DPP10: variants seen among roughly 807,000 people sequenced by gnomAD.
DPP10 encodes inactive dipeptidyl peptidase 10.
DPP10 carries 33 observed loss-of-function variants against 120.9 expected under a neutral mutation model. The observed-to-expected ratio is 0.27, with a 90% confidence interval of 0.21 to 0.37. DPP10 has a LOEUF of 0.37. Ranked by LOEUF, DPP10 falls within the 10% of genes least tolerant of loss-of-function variation. DPP10 has a pLI of 1.00. For missense variants in DPP10, 816 were observed against 942.8 expected (o/e 0.87, Z 1.76); for synonymous variants, 337 against 326.1 (o/e 1.03, Z -0.36).
At chr2:115,070,226 T>C (rs559151086) in intron 1 of DPP10, among the ~76,000 whole-genome samples, 43 of 152,164 alleles carry the variant, frequency 2.8e-4, no homozygotes, top group Non-Finnish European at 5.4e-4. Context: ...GCTTGTCAGC[T>C]ATGCAAATGC....
At chr2:115,681,070 G>T (rs569039051) in intron 5 of DPP10, among the ~76,000 whole-genome samples, 6 of 151,750 alleles carry the variant, frequency 4.0e-5, no homozygotes, top group Non-Finnish European at 8.9e-5. Context: ...TGATTTTATT[G>T]TGACTTTGAA....
chr2:115,817,120 C>A (rs1300459746), intron 21 of DPP10, among the ~76,000 whole-genome samples: 1 of 151,560 alleles, frequency 6.6e-6, no homozygotes, highest in African/African-American at 2.4e-5. Context: ...TGGTGGCGGG[C>A]GCCTGTAGTC....
chr2:115,709,914 T>G (rs2092262263), intron 7 of DPP10, among the ~76,000 whole-genome samples: 1 of 151,964 alleles, frequency 6.6e-6, no homozygotes, highest in East Asian at 1.9e-4. Context: ...AAACACAAAT[T>G]TACATATTCA....
At chr2:115,617,752 A>G (rs1367996836) in intron 5 of DPP10, among the ~76,000 whole-genome samples, 2 of 152,046 alleles carry the variant, frequency 1.3e-5, no homozygotes, top group Admixed American at 6.5e-5. Flanking sequence ...TCACCTGAAA[A>G]CTAACTTCTC....
At chr2:114,965,154 T>TTTC (rs1558931686) in intron 1 of DPP10, among the ~76,000 whole-genome samples, 42 of 151,900 alleles carry the variant, frequency 2.8e-4, no homozygotes, top group Admixed American at 5.9e-4. Context: ...TTTCTTTTTT[T>TTTC]TGGACGGATT....
At chr2:115,714,276 G>A (rs537855850) in intron 7 of DPP10, among the ~76,000 whole-genome samples, 1 of 152,288 alleles carries the variant, frequency 6.6e-6, no homozygotes, top group Non-Finnish European at 1.5e-5. Context: ...GTAATGTTGA[G>A]ATTGTTGCTA....
At chr2:114,517,775 G>T (rs1684720852) in intron 1 of DPP10, among the ~76,000 whole-genome samples, 1 of 152,204 alleles carries the variant, frequency 6.6e-6, no homozygotes, top group Admixed American at 6.5e-5. Context: ...TAACGGGAAA[G>T]CTGGTACTAT....
At chr2:115,339,743 A>G (rs929696626) in intron 2 of DPP10, among the ~76,000 whole-genome samples, 5 of 152,172 alleles carry the variant, frequency 3.3e-5, no homozygotes, top group African/African-American at 1.2e-4. Flanking sequence ...ATTATATAGC[A>G]TTCTTAAAAT....
rs554655011 is a variant in DPP10, at chr2:114,635,993, G to A, written c.60+193155G>A. Among the ~76,000 whole-genome samples the A allele has an allele frequency of 3.6e-4, 43 of 120,700 alleles. 1 individual carries two copies. The highest frequency in any genetic ancestry group is 1.6e-3 in the African/African-American group (42 of 25,692). The allele number at this position is 120,700 out of a possible 152,430, so 79.2% of individuals were successfully genotyped here. On this transcript the variant is annotated intron_variant, in intron 1 of 25. Transcript: ENST00000410059. The stretch of plus-strand genomic sequence containing the variant: ...TTCAATGTGTTGGTGAAAGACACAC[G>A]TTTCAGAATTTGACTTTTTGCTTAA...
chr2:115,315,837 CT>C (rs1444754230), intron 2 of DPP10, among the ~76,000 whole-genome samples: 1 of 152,064 alleles, frequency 6.6e-6, no homozygotes, highest in Non-Finnish European at 1.5e-5. Flanking sequence ...CAGTTTCCCC[CT>C]GGATAATATG....
chr2:115,527,836 G>A (rs2078223695), intron 5 of DPP10, among the ~76,000 whole-genome samples: 1 of 152,088 alleles, frequency 6.6e-6, no homozygotes, highest in African/African-American at 2.4e-5. Flanking sequence ...TATCAGAATG[G>A]TTAATTTTTT....
intron 1 of DPP10, among the ~76,000 whole-genome samples, chr2:115,132,520 T>G (rs1285161693): frequency 6.6e-6 from 1 of 152,212 alleles, no homozygotes; most frequent in Non-Finnish European, 1.5e-5. Context: ...ATTTCTGTCA[T>G]GTGATGTTAT....
chr2:115,817,962 G>T (rs1687435619), intron 21 of DPP10, among the ~76,000 whole-genome samples: 1 of 152,040 alleles, frequency 6.6e-6, no homozygotes, highest in Non-Finnish European at 1.5e-5. Flanking sequence ...GTTTTTAATG[G>T]ATATATAATA....
intron 1 of DPP10, among the ~76,000 whole-genome samples, chr2:114,619,110 T>C (rs993799616): frequency 6.6e-6 from 1 of 151,992 alleles, no homozygotes; most frequent in Non-Finnish European, 1.5e-5. Flanking sequence ...GAATGATTTA[T>C]ATATTGTAGT....
intron 1 of DPP10, among the ~76,000 whole-genome samples, chr2:114,963,202 T>C (rs190693782): frequency 1.3e-5 from 2 of 152,358 alleles, no homozygotes; most frequent in East Asian, 3.9e-4. Flanking sequence ...ATGGGCCATA[T>C]TGCTGTATGT....
chr2:114,653,753 G>A (rs111322561), intron 1 of DPP10, among the ~76,000 whole-genome samples: 11 of 152,224 alleles, frequency 7.2e-5, no homozygotes, highest in African/African-American at 2.2e-4. Context: ...CTGGGCTGGC[G>A]GAGAGCTATC....
At chr2:114,455,734 T>A (rs1401179040) in intron 1 of DPP10, among the ~76,000 whole-genome samples, 1 of 151,560 alleles carries the variant, frequency 6.6e-6, no homozygotes, top group African/African-American at 2.4e-5. Context: ...CATTTGTTTT[T>A]TTTTTTTTTT....
chr2:115,536,383 A>C (rs2078841663), intron 5 of DPP10, among the ~76,000 whole-genome samples: 1 of 151,980 alleles, frequency 6.6e-6, no homozygotes, highest in Admixed American at 6.6e-5. Context: ...TGATATCATA[A>C]TTTATTCAAC....
intron 5 of DPP10, among the ~76,000 whole-genome samples, chr2:115,666,499 C>G (rs2089464525): frequency 6.6e-6 from 1 of 152,072 alleles, no homozygotes; most frequent in Admixed American, 6.6e-5. Flanking sequence ...AATTGCAATT[C>G]AAGATGAGAA....
Sources: gnomAD v4.1 joint callset for allele counts (sites outside exome capture counted in the v4.1 genomes callset) on GRCh38, gnomAD v4.1.1 for gene constraint, MANE v1.5 for transcripts, NCBI Gene and HGNC (gene_info 2026-07-23, HGNC 2026-07-21) for gene names.